The following EPHA7 variants were observed in gnomAD, a reference collection of about 807,000 sequenced individuals.
EPHA7 encodes the protein ephrin type-A receptor 7.
A neutral mutation model predicts 112.6 loss-of-function variants in EPHA7; 25 were observed. The observed-to-expected ratio is 0.22, with a 90% CI of 0.16 to 0.31. The LOEUF (loss-of-function observed/expected upper bound fraction) is 0.31. Among genes scored for constraint, EPHA7 ranks in the 10% least tolerant of loss-of-function variants. The probability of loss-of-function intolerance (pLI) is 1.00; values close to 1 mark genes in which losing one functional copy is unlikely to be tolerated. For synonymous variants in EPHA7, 437 were observed against 406.5 expected (o/e 1.07, Z -0.90); for missense variants, 962 against 1,212.6 (o/e 0.79, Z 3.07).
intron 5 of EPHA7, among the ~76,000 whole-genome samples, chr6:93,330,092 T>C (rs974815222): frequency 1.3e-5 from 2 of 151,292 alleles, no homozygotes; most frequent in African/African-American, 2.4e-5. Context: ...ATGTCAAACA[T>C]AGCAATTAAA....
intron 3 of EPHA7, among the ~76,000 whole-genome samples, chr6:93,390,688 T>A (rs945458645): frequency 2.0e-5 from 3 of 151,920 alleles, no homozygotes; most frequent in Non-Finnish European, 2.9e-5. Flanking sequence ...TACTATTCTA[T>A]TTTCCTGTTA....
chr6:93,337,138 T>C (rs1774917337), intron 5 of EPHA7, among the ~76,000 whole-genome samples: 1 of 152,118 alleles, frequency 6.6e-6, no homozygotes, highest in Admixed American at 6.5e-5. Flanking sequence ...TGTTTTCAAA[T>C]CCGCAATTCA....
At chr6:93,329,286 C>T (rs1468051204) in intron 5 of EPHA7, among the ~76,000 whole-genome samples, 2 of 151,354 alleles carry the variant, frequency 1.3e-5, no homozygotes, top group African/African-American at 2.4e-5. Flanking sequence ...AAACATTTAT[C>T]ATACTTTTAA....
At chr6:93,339,132 T>A (rs1228770185) in intron 5 of EPHA7, among the ~76,000 whole-genome samples, 2 of 151,510 alleles carry the variant, frequency 1.3e-5, no homozygotes, top group African/African-American at 4.8e-5. Flanking sequence ...GGCAATAAAA[T>A]AAGTTTTTAA....
chr6:93,390,772 T>C (rs1455631176), intron 3 of EPHA7, among the ~76,000 whole-genome samples: 2 of 151,882 alleles, frequency 1.3e-5, no homozygotes, highest in African/African-American at 4.8e-5. Flanking sequence ...CATTGCTGGA[T>C]TGTTAACATT....
At chr6:93,385,102 C>T (rs576499514) in intron 3 of EPHA7, among the ~76,000 whole-genome samples, 17 of 152,038 alleles carry the variant, frequency 1.1e-4, no homozygotes, top group African/African-American at 4.1e-4. Context: ...TATTATATAC[C>T]AATTTCTTCC....
At position 93,241,613 on chromosome 6, in the gene EPHA7, G is replaced by A. The variant is rs191733379; in HGVS notation, c.*1813C>T. 3.5e-3 allele frequency: 753 copies of A among 217,644 alleles called. 3 individuals carry two copies. The highest frequency in any genetic ancestry group is 7.2e-3 in the Middle Eastern group (5 of 698). The allele number at this position is 217,644 out of a possible 1,614,324, so 13.5% of individuals were successfully genotyped here. A position where few individuals can be genotyped will look rare whatever the true frequency, so the allele number is the denominator to read the frequency against. On this transcript the variant is annotated 3_prime_UTR_variant, in exon 17 of 17. Transcript: ENST00000369303. ...TTAAAATATCAAATAACACTGTACA[G>A]TGATTTAAAACCAAAAAAAAAGGGT... is the stretch of plus-strand genomic sequence containing the variant.
chr6:93,400,535 T>C (rs1778388925), intron 3 of EPHA7, among the ~76,000 whole-genome samples: 1 of 152,106 alleles, frequency 6.6e-6, no homozygotes, highest in Non-Finnish European at 1.5e-5. Context: ...CCCTGCTTTT[T>C]TGTTTGTTTT....
chr6:93,342,060 T>G (rs542737673), intron 5 of EPHA7, among the ~76,000 whole-genome samples: 33 of 151,956 alleles, frequency 2.2e-4, no homozygotes, highest in Admixed American at 2.0e-3. Context: ...AATTGGATAC[T>G]TGGTGAGATT....
intron 5 of EPHA7, among the ~76,000 whole-genome samples, chr6:93,332,223 G>C (rs1368153510): frequency 6.6e-6 from 1 of 151,508 alleles, no homozygotes; most frequent in Non-Finnish European, 1.5e-5. Flanking sequence ...GGACCCGGTG[G>C]AAGGTGACAA....
chr6:93,341,774 A>G (rs1201515544), intron 5 of EPHA7, among the ~76,000 whole-genome samples: 4 of 151,870 alleles, frequency 2.6e-5, no homozygotes, highest in African/African-American at 9.7e-5. Context: ...ACAAAATGAC[A>G]TGCAGATTGG....
At chr6:93,327,692 ACT>A (rs1350362424) in intron 5 of EPHA7, among the ~76,000 whole-genome samples, 1 of 151,244 alleles carries the variant, frequency 6.6e-6, no homozygotes, top group Non-Finnish European at 1.5e-5. Context: ...CATCTTGTTG[ACT>A]CTGTATTCAA....
At chr6:93,324,746 A>G (rs1195004098) in intron 5 of EPHA7, among the ~76,000 whole-genome samples, 1 of 151,456 alleles carries the variant, frequency 6.6e-6, no homozygotes. Context: ...AGAGAAAGAC[A>G]AATATTCACT....
intron 5 of EPHA7, among the ~76,000 whole-genome samples, chr6:93,298,412 T>C (rs1772788048): frequency 6.6e-6 from 1 of 152,094 alleles, no homozygotes; most frequent in South Asian, 2.1e-4. Context: ...CCATAAACCA[T>C]TAAGCAAAAG....
chr6:93,246,677 G>C, intron 15 of EPHA7, 115 bp downstream of exon 15: 1 of 789,976 alleles, frequency 1.3e-6, no homozygotes, highest in South Asian at 2.7e-5. Flanking sequence ...CATTTAATAT[G>C]AGTTTATACG....
intron 5 of EPHA7, among the ~76,000 whole-genome samples, chr6:93,306,695 A>G (rs991360264): frequency 6.6e-6 from 1 of 152,044 alleles, no homozygotes; most frequent in South Asian, 2.1e-4. Flanking sequence ...GTTCAAATCA[A>G]TATTTATCAT....
chr6:93,374,586 C>G (rs1582621584), intron 3 of EPHA7, among the ~76,000 whole-genome samples: 1 of 152,152 alleles, frequency 6.6e-6, no homozygotes, highest in Admixed American at 6.5e-5. Flanking sequence ...ATTTTATTTG[C>G]CAAAATAGAA....
chr6:93,354,286 GAAC>G (rs1775835425), intron 5 of EPHA7, among the ~76,000 whole-genome samples: 1 of 151,866 alleles, frequency 6.6e-6, no homozygotes, highest in African/African-American at 2.4e-5. Flanking sequence ...TCACACAAAA[GAAC>G]AATAATCACT....
In EPHA7 at chr6:93,410,337, T is replaced by G. The variant is rs1582690844; in HGVS notation, c.832+164A>C. 3 of 633,984 alleles carry G rather than the reference T, an allele frequency of 4.7e-6. No homozygotes were observed. In the Admixed American group the frequency reaches 8.7e-5, roughly 18 times the overall value. The allele number at this position is 633,984 out of a possible 1,614,324, so 39.3% of individuals were successfully genotyped here. A position where few individuals can be genotyped will look rare whatever the true frequency, so the allele number is the denominator to read the frequency against. On this transcript the variant is annotated intron_variant, in intron 3 of 16. Coordinates refer to ENST00000369303, the MANE Select transcript of EPHA7 (RefSeq NM_004440.4). The surrounding 1 kb of genome is among the most constrained non-coding windows in gnomAD (Gnocchi z 4.0). ...TACATACACTTAGTGCAGATGCTAC[T>G]GTAGGGCAATCACTAAGTTCAACGG...
Sources: allele counts gnomAD v4.1 joint callset (sites outside exome capture counted in the v4.1 genomes callset), GRCh38; gene constraint gnomAD v4.1.1; non-coding constraint Gnocchi (gnomAD v3.1); transcripts MANE v1.5; gene names NCBI Gene and HGNC (gene_info 2026-07-23, HGNC 2026-07-21).